Variants in ANKS1A observed in about 807,000 individuals in gnomAD.
ANKS1A encodes the protein ankyrin repeat and sterile alpha motif domain containing 1A.
In ANKS1A, 55 loss-of-function variants were observed where a neutral mutation model predicts 120.3. That is an observed-to-expected ratio of 0.46 (90% CI 0.37 to 0.57). The LOEUF is 0.57. Ranked by LOEUF, ANKS1A falls within the 20% of genes least tolerant of loss-of-function variation. The pLI is 0.00. For synonymous variants in ANKS1A, 590 were observed against 604.7 expected (o/e 0.98, Z 0.36); for missense variants, 1,123 against 1,480.3 (o/e 0.76, Z 3.96).
Position 34,970,042 on chromosome 6 carries a change from C to T in ANKS1A, c.311C>T (p.Ala104Val), listed in dbSNP as rs752657840. 3.7e-6 allele frequency: 6 copies of T among 1,614,056 alleles called. No individual in the cohort carries two copies. Among genetic ancestry groups the T allele is most frequent in the Admixed American group, 1.7e-5 (1 of 60,016 alleles). Residue 104 changes from alanine to valine, a missense_variant, in exon 3 of 24, where the codon GCG becomes GTG. Coordinates refer to ENST00000360359, the MANE Select transcript of ANKS1A (RefSeq NM_015245.3). The part of the protein sequence containing the change: ...DVVEVLLRND[A>V]LTNVADSKGC... ...GTCGAGGTTCTTCTGAGGAACGATG[C>T]GCTGACCAACGTGGCTGACTCAAAA...
At chr6:35,021,127 C>T (rs1774311400) in intron 11 of ANKS1A, among the ~76,000 whole-genome samples, 1 of 152,214 alleles carries the variant, frequency 6.6e-6, no homozygotes, top group Admixed American at 6.5e-5. Context: ...AACCCAGGGC[C>T]TTGGCAGGCT....
chr6:34,921,152 A>C (rs1454659178), intron 1 of ANKS1A, among the ~76,000 whole-genome samples: 1 of 152,218 alleles, frequency 6.6e-6, no homozygotes, highest in Admixed American at 6.5e-5. Flanking sequence ...AAATAGAATT[A>C]ATTATGCCCC....
chr6:34,912,619 T>C (rs568274023), intron 1 of ANKS1A, among the ~76,000 whole-genome samples: 2 of 152,320 alleles, frequency 1.3e-5, no homozygotes, highest in African/African-American at 4.8e-5. Context: ...TGAACATTTC[T>C]CACCTAACAG....
In ANKS1A at chr6:34,985,257, G is replaced by T. The variant is rs768320332; in HGVS notation, c.1188G>T (p.Val396=). Residue 396 remains valine, a synonymous_variant, in exon 8 of 24, where the codon GTG becomes GTT. Coordinates refer to ENST00000360359, the MANE Select transcript of ANKS1A (RefSeq NM_015245.3). ...STNKEAEAAG[V]KPAGVRPRER... The stretch of plus-strand genomic sequence containing the variant: ...ACAAGGAGGCTGAGGCAGCAGGAGT[G>T]AAACCTGCTGGAGTGAGGCCTGTAT... 8 of 1,613,830 alleles carry T rather than the reference G, an allele frequency of 5.0e-6. No homozygotes were observed. The highest frequency in any genetic ancestry group is 6.8e-6 in the Non-Finnish European group (8 of 1,179,996).
rs1430067520 is a variant in ANKS1A at position 35,089,016 on chromosome 6, G to T, written c.*407G>T. 2.6e-6 allele frequency: 3 copies of T among 1,140,738 alleles called. No individual in the cohort carries two copies. Among genetic ancestry groups the T allele is most frequent in the Non-Finnish European group, 3.3e-6 (3 of 921,036 alleles). 70.7% of individuals were successfully genotyped at this position (1,140,738 alleles called of 1,614,324 possible). A position where few individuals can be genotyped will look rare whatever the true frequency, so the allele number is the denominator to read the frequency against. ...CTGAGGTTGGTTCAGAGGCCAGCCT[G>T]CATAGCCTCTGTCCTCAGGACGGAA... On this transcript the variant is annotated 3_prime_UTR_variant, in exon 24 of 24. Coordinates refer to ENST00000360359, the MANE Select transcript of ANKS1A (RefSeq NM_015245.3).
intron 11 of ANKS1A, chr6:35,038,407 G>A (rs1775289317): frequency 9.0e-6 from 4 of 444,400 alleles, no homozygotes; most frequent in African/African-American, 2.0e-5. Context: ...GGGCAGTGAA[G>A]AGTGCTGTGA....
At chr6:35,076,421 A>G (rs1777360956) in intron 13 of ANKS1A, among the ~76,000 whole-genome samples, 1 of 152,194 alleles carries the variant, frequency 6.6e-6, no homozygotes, top group Non-Finnish European at 1.5e-5. Flanking sequence ...CAAAAAAAGA[A>G]AAACTCTGAG....
In ANKS1A at chr6:35,007,454, G is replaced by A. The variant is rs1478343029; in HGVS notation, c.1424-10019G>A. 7.9e-5 allele frequency among the ~76,000 whole-genome samples: 12 copies of A among 152,312 alleles called. 1 individual carries two copies. The South Asian group carries it at 2.1e-3, about 26-fold the overall frequency. On this transcript the variant is annotated intron_variant, in intron 10 of 23. Coordinates refer to ENST00000360359, the MANE Select transcript of ANKS1A (RefSeq NM_015245.3). ...AAGTCTTCTGAAATCATCATACAGG[G>A]CAAGCATAACCAAGAGCAGTGATTC...
rs16896360 is a variant in ANKS1A, at chr6:35,008,605, A to G, written c.1424-8868A>G. Among the ~76,000 whole-genome samples the G allele has an allele frequency of 0.011, 1,669 of 152,220 alleles. 93 individuals are homozygous for G. The East Asian group carries it at 0.16, about 15-fold the overall frequency. On this transcript the variant is annotated intron_variant, in intron 10 of 23. Coordinates refer to ENST00000360359, the MANE Select transcript of ANKS1A (RefSeq NM_015245.3). The stretch of plus-strand genomic sequence containing the variant: ...TTAGGTTTCTGAGTTGGAATAGTTC[A>G]ATTTTCTTTCCATTGTGGAACAAGT...
rs983557621 is a variant in ANKS1A at position 34,889,988 on chromosome 6, C to T, written c.197+389C>T. 1.3e-5 allele frequency among the ~76,000 whole-genome samples: 2 copies of T among 152,164 alleles called. No individual in the cohort carries two copies. Among genetic ancestry groups the T allele is most frequent in the African/African-American group, 4.8e-5 (2 of 41,420 alleles). ...AGATCTCCCTCACCTCCTGCAGAAACTCCTACGCCTTGTAGAATCTCGAGG... is the reference window on the plus strand; with the variant it reads ...AGATCTCCCTCACCTCCTGCAGAAATTCCTACGCCTTGTAGAATCTCGAGG... On this transcript the variant is annotated intron_variant, in intron 1 of 23. Transcript: ENST00000360359. The surrounding 1 kb of genome is among the most constrained non-coding windows in gnomAD (Gnocchi z 5.5).
intron 1 of ANKS1A, among the ~76,000 whole-genome samples, chr6:34,916,014 A>C (rs1375336934): frequency 3.0e-4 from 31 of 102,900 alleles, no homozygotes; most frequent in Non-Finnish European, 5.0e-4. Context: ...TTTTTTGGAG[A>C]TGGAGTCTTG....
intron 1 of ANKS1A, among the ~76,000 whole-genome samples, chr6:34,964,218 C>T (rs73421541): frequency 0.088 from 13,420 of 152,132 alleles, 757 homozygotes; most frequent in East Asian, 0.34. Context: ...AACATTTTGA[C>T]TTTTTTGTCT....
intron 10 of ANKS1A, among the ~76,000 whole-genome samples, chr6:34,999,509 A>G (rs1014588042): frequency 2.2e-4 from 33 of 152,206 alleles, no homozygotes; most frequent in African/African-American, 7.7e-4. Flanking sequence ...GTCAGGAACA[A>G]ATAAGCCCAC....
At chr6:34,961,414 C>T (rs1770630165) in intron 1 of ANKS1A, among the ~76,000 whole-genome samples, 1 of 152,086 alleles carries the variant, frequency 6.6e-6, no homozygotes, top group South Asian at 2.1e-4. Flanking sequence ...CCCCAGTCCC[C>T]AAAACTTCTA....
intron 1 of ANKS1A, among the ~76,000 whole-genome samples, chr6:34,945,389 T>G (rs1769739829): frequency 6.6e-6 from 1 of 152,226 alleles, no homozygotes; most frequent in Non-Finnish European, 1.5e-5. Flanking sequence ...TGATTTATTT[T>G]AAGTGAATTT....
At chr6:34,968,683 C>T (rs747067599) in intron 2 of ANKS1A, among the ~76,000 whole-genome samples, 3 of 152,176 alleles carry the variant, frequency 2.0e-5, no homozygotes, top group Non-Finnish European at 4.4e-5. Flanking sequence ...GGTGATCCAC[C>T]TGCCTCAGCC....
At position 34,985,224 on chromosome 6, in the gene ANKS1A, C is replaced by G. The variant is rs376797874; in HGVS notation, c.1155C>G (p.Asp385Glu). ...SMASGRSSDQ[D>E]STNKEAEAAG... ...CCAGCGGGCGATCATCTGACCAAGA[C>G]TCCACGAACAAGGAGGCTGAGGCAG... The change falls in exon 8 of 24, where the codon GAC becomes GAG. Residue 385 changes from aspartate (D) to glutamate (E), a missense_variant. By Grantham distance (45) the Asp-to-Glu change is conservative. Coordinates refer to ENST00000360359, the MANE Select transcript of ANKS1A (RefSeq NM_015245.3). 4.8e-5 allele frequency: 78 copies of G among 1,614,082 alleles called. No individual in the cohort carries two copies. Among genetic ancestry groups the G allele is most frequent in the Non-Finnish European group, 5.9e-5 (70 of 1,180,030 alleles).
At chr6:35,031,673 C>T (rs540472560) in intron 11 of ANKS1A, among the ~76,000 whole-genome samples, 1 of 152,322 alleles carries the variant, frequency 6.6e-6, no homozygotes, top group South Asian at 2.1e-4. Flanking sequence ...TCTAGCTCAT[C>T]TTACTTGTGG....
At chr6:34,914,206 C>A (rs892058944) in intron 1 of ANKS1A, among the ~76,000 whole-genome samples, 1 of 152,192 alleles carries the variant, frequency 6.6e-6, no homozygotes, top group Non-Finnish European at 1.5e-5. Context: ...CAGGTGTGAG[C>A]CACCTTACCC....
Sources: gnomAD v4.1 joint callset for allele counts (sites outside exome capture counted in the v4.1 genomes callset) on GRCh38, gnomAD v4.1.1 for gene constraint, Gnocchi (gnomAD v3.1) non-coding constraint, MANE v1.5 for transcripts, NCBI Gene and HGNC (gene_info 2026-07-23, HGNC 2026-07-21) for gene names.